MALRD1: variants seen among roughly 807,000 people sequenced by gnomAD.
MALRD1 encodes MAM and LDL-receptor class A domain-containing protein 1.
MALRD1 carries 247 observed loss-of-function variants against 242.1 expected under a neutral mutation model. The ratio of observed to expected loss-of-function variants is 1.02; its 90% confidence interval spans 0.92 to 1.13. The LOEUF is 1.13. Among genes scored for constraint, MALRD1 ranks in the 50% most tolerant of loss-of-function variants. The probability of loss-of-function intolerance (pLI) is 0.00; values close to 1 mark genes in which losing one functional copy is unlikely to be tolerated. For synonymous variants in MALRD1, 995 were observed against 866.6 expected (o/e 1.15, Z -2.60); for missense variants, 2,989 against 2,533.1 (o/e 1.18, Z -3.86).
intron 19 of MALRD1, among the ~76,000 whole-genome samples, chr10:19,265,494 G>C (rs74593623): frequency 0.044 from 6,699 of 151,928 alleles, 187 homozygotes; most frequent in Middle Eastern, 0.078. Context: ...GGTTTTTAAG[G>C]AGTATGTTGT....
At chr10:19,623,173 G>C (rs562939743) in intron 36 of MALRD1, among the ~76,000 whole-genome samples, 4 of 151,890 alleles carry the variant, frequency 2.6e-5, no homozygotes, top group African/African-American at 9.6e-5. Flanking sequence ...TTTTAACAAC[G>C]TTTTTTAATG....
chr10:19,343,173 A>G (rs1240385592), intron 24 of MALRD1, among the ~76,000 whole-genome samples: 2 of 152,126 alleles, frequency 1.3e-5, no homozygotes, highest in African/African-American at 2.4e-5. Context: ...ATAACAAAAT[A>G]CACTGGAAAC....
chr10:19,143,934 GA>G (rs1833636293), intron 10 of MALRD1, among the ~76,000 whole-genome samples: 2 of 152,102 alleles, frequency 1.3e-5, no homozygotes, highest in Non-Finnish European at 2.9e-5. Context: ...TCAGAAAACA[GA>G]AGACACTCTC....
At position 19,309,372 on chromosome 10, in the gene MALRD1, A is replaced by T. The variant is rs150185769; in HGVS notation, c.3420-14577A>T. On this transcript the variant is annotated intron_variant, in intron 21 of 39. Coordinates refer to ENST00000454679, the MANE Select transcript of MALRD1 (RefSeq NM_001142308.3). ...TCATTTTTATAAAAGATGGGAGGGA[A>T]TTTTTACCAAAATATATCTACTTAC... Among the ~76,000 whole-genome samples the T allele has an allele frequency of 3.3e-5, 5 of 151,526 alleles. No individual in the cohort carries two copies. The Admixed American group carries it at 3.3e-4, about 10-fold the overall frequency.
intron 32 of MALRD1, among the ~76,000 whole-genome samples, chr10:19,544,472 G>A (rs979179001): frequency 2.0e-5 from 3 of 152,030 alleles, no homozygotes. Context: ...GCAGACGTGA[G>A]TCACCACACC....
intron 38 of MALRD1, among the ~76,000 whole-genome samples, chr10:19,726,940 A>T (rs2131927273): frequency 6.6e-6 from 1 of 152,258 alleles, no homozygotes; most frequent in East Asian, 1.9e-4. Flanking sequence ...GATTGGTTGG[A>T]GGGGAATGGG....
At chr10:19,440,765 C>T (rs2072614727) in intron 28 of MALRD1, among the ~76,000 whole-genome samples, 1 of 152,116 alleles carries the variant, frequency 6.6e-6, no homozygotes, top group Admixed American at 6.5e-5. Context: ...TGGGTTGGTT[C>T]CAGGTCTTTG....
At chr10:19,208,254 G>T (rs1458993056) in intron 17 of MALRD1, among the ~76,000 whole-genome samples, 1 of 152,102 alleles carries the variant, frequency 6.6e-6, no homozygotes, top group Admixed American at 6.6e-5. Flanking sequence ...GAGAAGAAAA[G>T]ACCCATACTG....
At chr10:19,322,616 G>A (rs1007359026) in intron 21 of MALRD1, among the ~76,000 whole-genome samples, 2 of 152,082 alleles carry the variant, frequency 1.3e-5, no homozygotes, top group African/African-American at 4.8e-5. Flanking sequence ...AGTAAATGAG[G>A]AGGCCTGAGG....
intron 21 of MALRD1, among the ~76,000 whole-genome samples, chr10:19,312,835 T>C (rs1842488112): frequency 6.6e-6 from 1 of 151,458 alleles, no homozygotes; most frequent in Admixed American, 6.6e-5. Flanking sequence ...ATCTGGGAAA[T>C]GCTACTGCAG....
chr10:19,069,691 A>G (rs1590384832), intron 2 of MALRD1, among the ~76,000 whole-genome samples: 1 of 147,610 alleles, frequency 6.8e-6, no homozygotes. Context: ...TTTTTCTTTT[A>G]GTGCTTTAAA....
intron 18 of MALRD1, among the ~76,000 whole-genome samples, chr10:19,213,512 G>A (rs1015671690): frequency 7.9e-5 from 12 of 152,172 alleles, no homozygotes; most frequent in African/African-American, 2.4e-4. Flanking sequence ...GATTACAGGC[G>A]TGAGCCACTG....
intron 38 of MALRD1, chr10:19,710,194 A>G (rs1232311031): frequency 6.6e-6 from 1 of 152,178 alleles, no homozygotes; most frequent in Non-Finnish European, 1.5e-5. Context: ...TTGGATGTCT[A>G]TATTTGTGAC....
At chr10:19,483,398 C>T (rs552196532) in intron 29 of MALRD1, among the ~76,000 whole-genome samples, 6 of 152,072 alleles carry the variant, frequency 3.9e-5, no homozygotes, top group Admixed American at 1.3e-4. Flanking sequence ...AACATTCATA[C>T]TGTGCATGCA....
At chr10:19,138,853 G>A (rs1833446047) in intron 10 of MALRD1, among the ~76,000 whole-genome samples, 1 of 152,088 alleles carries the variant, frequency 6.6e-6, no homozygotes, top group Non-Finnish European at 1.5e-5. Context: ...AAGTTTCATT[G>A]ATTATGTATA....
At chr10:19,427,024 A>G (rs1833929628) in intron 28 of MALRD1, among the ~76,000 whole-genome samples, 1 of 152,172 alleles carries the variant, frequency 6.6e-6, no homozygotes, top group African/African-American at 2.4e-5. Context: ...GCTGACACCT[A>G]AGTCAGTGCA....
At chr10:19,502,028 A>G (rs1451292271) in intron 31 of MALRD1, among the ~76,000 whole-genome samples, 2 of 98,980 alleles carry the variant, frequency 2.0e-5, no homozygotes, top group Non-Finnish European at 3.8e-5. Flanking sequence ...AAAAAAAAGA[A>G]AAGAAAAGAA....
intron 18 of MALRD1, among the ~76,000 whole-genome samples, chr10:19,254,273 G>T (rs1434428602): frequency 6.6e-6 from 1 of 151,946 alleles, no homozygotes; most frequent in South Asian, 2.1e-4. Flanking sequence ...CACAGCTGTT[G>T]TTGCCTACAT....
At chr10:19,616,765 A>T (rs566009980) in intron 36 of MALRD1, among the ~76,000 whole-genome samples, 1 of 152,164 alleles carries the variant, frequency 6.6e-6, no homozygotes, top group African/African-American at 2.4e-5. Flanking sequence ...TTCCTAAAAA[A>T]ATTCTACCAA....
Sources: gnomAD v4.1 joint callset for allele counts (sites outside exome capture counted in the v4.1 genomes callset) on GRCh38, gnomAD v4.1.1 for gene constraint, MANE v1.5 for transcripts, NCBI Gene and HGNC (gene_info 2026-07-23, HGNC 2026-07-21) for gene names.